PLGLB2: variants seen among roughly 807,000 people sequenced by gnomAD.
PLGLB2 encodes plasminogen like B2.
intron 1 of PLGLB2, among the ~76,000 whole-genome samples, chr2:87,750,449 A>G (rs199612965): frequency 0.028 from 4,136 of 149,422 alleles, 39 homozygotes; most frequent in Non-Finnish European, 0.036. Flanking sequence ...GGGTAAAGAC[A>G]TGGATATGGG....
At chr2:87,751,723 TG>T (rs1265053585) in intron 1 of PLGLB2, 1 of 117,240 alleles carries the variant, frequency 8.5e-6, no homozygotes, top group African/African-American at 2.9e-5. Context: ...ACATAAAATT[TG>T]TTCTTGTTTA....
At chr2:87,756,018 T>A (rs1684712264) in intron 3 of PLGLB2, 1 of 4,888 alleles carries the variant, frequency 2.0e-4, no homozygotes, top group South Asian at 4.5e-3. Flanking sequence ...TTGTTTCTTT[T>A]CACATTCATT....
At chr2:87,756,191 T>C (rs1244322944) in intron 3 of PLGLB2, 1 of 55,202 alleles carries the variant, frequency 1.8e-5, no homozygotes, top group African/African-American at 6.5e-5. Context: ...GGCACCGGAC[T>C]GTTTTAAACA....
rs1246773497 is a variant in PLGLB2 at position 87,758,508 on chromosome 2, C to CT, written c.*1691dup. 2.9e-5 allele frequency among the ~76,000 whole-genome samples: 3 copies of CT among 104,018 alleles called. No individual in the cohort carries two copies. The highest frequency in any genetic ancestry group is 3.8e-4 in the South Asian group (1 of 2,652). The allele number at this position is 104,018 out of a possible 152,430, so 68.2% of individuals were successfully genotyped here. A position where few individuals can be genotyped will look rare whatever the true frequency, so the allele number is the denominator to read the frequency against. ...CAATAAAAATATTTTGGCTCTCTGT[C>CT]TAAGACTTGGCTGTCACAGTAGCAA... On this transcript the variant is annotated 3_prime_UTR_variant, in exon 4 of 4. Transcript: ENST00000359481.
chr2:87,750,085 A>T (rs1482058079), intron 1 of PLGLB2, among the ~76,000 whole-genome samples: 1 of 152,148 alleles, frequency 6.6e-6, no homozygotes, highest in African/African-American at 2.4e-5. Context: ...GAGAAAAAAA[A>T]AATGGGGGAA....
chr2:87,757,146 ATTG>A lies in PLGLB2; in HGVS notation c.*331_*333del, dbSNP rs1426630867. 28 of 198,902 alleles carry A rather than the reference ATTG, an allele frequency of 1.4e-4. No homozygotes were observed. Among genetic ancestry groups the A allele is most frequent in the African/African-American group, 2.0e-4 (7 of 35,142 alleles). The allele number at this position is 198,902 out of a possible 1,614,324, so 12.3% of individuals were successfully genotyped here. A position where few individuals can be genotyped will look rare whatever the true frequency, so the allele number is the denominator to read the frequency against. ...TGCTATGTAATCGTTGTTATACTGTATTGTTTTTATTTGTATTATGTTTTATTG... is the reference window on the plus strand; with the variant it reads ...TGCTATGTAATCGTTGTTATACTGTATTTTTATTTGTATTATGTTTTATTG... On this transcript the variant is annotated 3_prime_UTR_variant, in exon 4 of 4. Transcript: ENST00000359481.
At position 87,750,888 on chromosome 2, in the gene PLGLB2, C is replaced by T. The variant is rs569547853; in HGVS notation, c.50-1359C>T. Reference sequence around the variant, plus strand: ...CCGCTGCCGCCTCCACTGCTCTCCTCGTCACTCTATAACCCACTCCCTCTG... The same window carrying T: ...CCGCTGCCGCCTCCACTGCTCTCCTTGTCACTCTATAACCCACTCCCTCTG... On this transcript the variant is annotated intron_variant, in intron 1 of 3. Coordinates refer to ENST00000359481, the MANE Select transcript of PLGLB2 (RefSeq NM_002665.4). 2.3e-4 allele frequency among the ~76,000 whole-genome samples: 31 copies of T among 132,286 alleles called. 1 individual carries two copies. In the East Asian group the frequency reaches 4.2e-3, roughly 18 times the overall value. 86.8% of individuals were successfully genotyped at this position (132,286 alleles called of 152,430 possible).
At chr2:87,750,126 G>C (rs1318996360) in intron 1 of PLGLB2, among the ~76,000 whole-genome samples, 1 of 152,266 alleles carries the variant, frequency 6.6e-6, no homozygotes, top group East Asian at 1.9e-4. Context: ...AAAAAAGTTT[G>C]ATTCTGTTTT....
chr2:87,748,123 C>G lies in PLGLB2; in HGVS notation c.-31C>G, dbSNP rs1684589699. ...TCAACAACATCCTGGGATTGGGACA[C>G]ACTTTCTGGGCACTGCTGGCCAGTC... is the stretch of plus-strand genomic sequence containing the variant. On this transcript the variant is annotated 5_prime_UTR_variant, in exon 1 of 4. Coordinates refer to ENST00000359481, the MANE Select transcript of PLGLB2 (RefSeq NM_002665.4). 1.4e-6 allele frequency: 1 copy of G among 704,150 alleles called. No individual in the cohort carries two copies. The allele number at this position is 704,150 out of a possible 1,614,324, so 43.6% of individuals were successfully genotyped here.
chr2:87,758,288 G>GT lies in PLGLB2; in HGVS notation c.*1478dup, dbSNP rs1196999641. Among the ~76,000 whole-genome samples, 9 of 112,312 alleles carry GT rather than the reference G, an allele frequency of 8.0e-5. No individual in the cohort carries two copies. The highest frequency in any genetic ancestry group is 7.4e-5 in the Non-Finnish European group (4 of 53,954). The allele number at this position is 112,312 out of a possible 152,430, so 73.7% of individuals were successfully genotyped here. On this transcript the variant is annotated 3_prime_UTR_variant, in exon 4 of 4. Coordinates refer to ENST00000359481, the MANE Select transcript of PLGLB2 (RefSeq NM_002665.4). Reference sequence around the variant, plus strand: ...GGGATAATAACACCTTCCTCAAATGGTTTTTTTTATTAGGACTAAAAGAGA... The same window carrying GT: ...GGGATAATAACACCTTCCTCAAATGGTTTTTTTTTATTAGGACTAAAAGAGA...
intron 1 of PLGLB2, among the ~76,000 whole-genome samples, chr2:87,750,130 CT>C (rs1265109600): frequency 6.6e-6 from 1 of 152,238 alleles, no homozygotes; most frequent in East Asian, 1.9e-4. Flanking sequence ...AAGTTTGATT[CT>C]GTTTTGGGAT....
intron 1 of PLGLB2, among the ~76,000 whole-genome samples, chr2:87,748,976 T>C (rs1326848518): frequency 2.3e-5 from 3 of 130,238 alleles, no homozygotes; most frequent in East Asian, 4.2e-4. Flanking sequence ...ATTTGCTCAG[T>C]GACCAAATTC....
At chr2:87,756,324 C>CT in intron 3 of PLGLB2, 1 of 96,800 alleles carries the variant, frequency 1.0e-5, no homozygotes, top group Admixed American at 1.3e-4. Context: ...TTTCATATCA[C>CT]TGGGAGCCTG....
intron 1 of PLGLB2, among the ~76,000 whole-genome samples, chr2:87,750,880 G>A (rs1182074284): frequency 7.5e-6 from 1 of 133,308 alleles, no homozygotes; most frequent in Non-Finnish European, 1.6e-5. Flanking sequence ...CGCCTCCACT[G>A]CTCTCCTCGT....
chr2:87,750,761 C>G (rs1313299949), intron 1 of PLGLB2, among the ~76,000 whole-genome samples: 1 of 150,948 alleles, frequency 6.6e-6, no homozygotes, highest in African/African-American at 2.4e-5. Flanking sequence ...TATTTGTCAT[C>G]AGCATACAAA....
Position 87,750,634 on chromosome 2 carries a change from G to A in PLGLB2, c.50-1613G>A, listed in dbSNP as rs1486474941. On this transcript the variant is annotated intron_variant, in intron 1 of 3. Coordinates refer to ENST00000359481, the MANE Select transcript of PLGLB2 (RefSeq NM_002665.4). ...GGTGGGGAGCAGGGGGACTTTGGCCGAGGACTTTGCATGAATTGATGAGCG... is the reference window on the plus strand; with the variant it reads ...GGTGGGGAGCAGGGGGACTTTGGCCAAGGACTTTGCATGAATTGATGAGCG... Among the ~76,000 whole-genome samples, 6 of 146,698 alleles carry A rather than the reference G, an allele frequency of 4.1e-5. No homozygotes were observed. The East Asian group carries it at 6.3e-4, about 15-fold the overall frequency.
At position 87,759,113 on chromosome 2, in the gene PLGLB2, TC is replaced by T. The variant is rs1235564341; in HGVS notation, c.*2296del. On this transcript the variant is annotated 3_prime_UTR_variant, in exon 4 of 4. Transcript: ENST00000359481. ...CTCACCACAACCTCCGCCTCCGGGTTCAAGCGATTCTCCTACCTCAGCCTCC... is the reference window on the plus strand; with the variant it reads ...CTCACCACAACCTCCGCCTCCGGGTTAAGCGATTCTCCTACCTCAGCCTCC... Among the ~76,000 whole-genome samples, 1 of 121,334 alleles carries T rather than the reference TC, an allele frequency of 8.2e-6. No individual in the cohort carries two copies. The highest frequency in any genetic ancestry group is 1.8e-5 in the Non-Finnish European group (1 of 54,684). 79.6% of individuals were successfully genotyped at this position (121,334 alleles called of 152,430 possible).
chr2:87,750,836 C>T (rs1323396353), intron 1 of PLGLB2, among the ~76,000 whole-genome samples: 4 of 138,092 alleles, frequency 2.9e-5, no homozygotes, highest in South Asian at 2.6e-4. Flanking sequence ...CTGGAGGGCT[C>T]GCTGTCTTCA....
chr2:87,748,702 T>G (rs1343429155), intron 1 of PLGLB2, among the ~76,000 whole-genome samples: 1 of 38,984 alleles, frequency 2.6e-5, no homozygotes, highest in Non-Finnish European at 5.0e-5. Context: ...AGGCTTTCCA[T>G]CAGTATACGT....
Sources: allele counts gnomAD v4.1 joint callset (sites outside exome capture counted in the v4.1 genomes callset), GRCh38; gene constraint gnomAD v4.1.1; transcripts MANE v1.5; gene names NCBI Gene and HGNC (gene_info 2026-07-23, HGNC 2026-07-21).